CTNNA2: variants seen among roughly 807,000 people sequenced by gnomAD.
The protein encoded by CTNNA2 is catenin alpha-2.
A neutral mutation model predicts 101.0 loss-of-function variants in CTNNA2; 42 were observed. That is an observed-to-expected ratio of 0.42 (90% CI 0.32 to 0.54). The LOEUF is 0.54. Ranked by LOEUF, CTNNA2 falls within the 20% of genes least tolerant of loss-of-function variation. The pLI is 0.14. For missense variants in CTNNA2, 871 were observed against 1,223.1 expected (o/e 0.71, Z 4.29); for synonymous variants, 450 against 456.4 (o/e 0.99, Z 0.18).
chr2:80,628,280 G>C (rs1671899326), intron 18 of CTNNA2, among the ~76,000 whole-genome samples: 2 of 151,776 alleles, frequency 1.3e-5, no homozygotes, highest in African/African-American at 4.8e-5. Context: ...AATTTCATGT[G>C]GAACCAAAAA....
intron 9 of CTNNA2, among the ~76,000 whole-genome samples, chr2:80,456,176 C>A (rs1229071311): frequency 6.6e-6 from 1 of 152,300 alleles, no homozygotes; most frequent in East Asian, 1.9e-4. Flanking sequence ...AAGCCAGAAG[C>A]TGGACACCTG....
chr2:79,396,030 G>C (rs1678225969), intron 4 of CTNNA2, among the ~76,000 whole-genome samples: 1 of 152,088 alleles, frequency 6.6e-6, no homozygotes, highest in East Asian at 1.9e-4. Context: ...TGTGTTTCCT[G>C]TTTTCTAATA....
chr2:80,097,675 T>C (rs1243781359), intron 7 of CTNNA2, among the ~76,000 whole-genome samples: 1 of 152,166 alleles, frequency 6.6e-6, no homozygotes, highest in Non-Finnish European at 1.5e-5. Flanking sequence ...TTTCACAGAG[T>C]CCCATATTTC....
chr2:80,288,256 A>G (rs1232783497), intron 7 of CTNNA2: 1 of 152,230 alleles, frequency 6.6e-6, no homozygotes, highest in Non-Finnish European at 1.5e-5. Flanking sequence ...GCTTTGGGAA[A>G]TGACGTGGAT....
chr2:80,000,819 G>A (rs1484225057), intron 7 of CTNNA2, among the ~76,000 whole-genome samples: 2 of 152,214 alleles, frequency 1.3e-5, no homozygotes, highest in African/African-American at 4.8e-5. Flanking sequence ...ATTGTTGAAA[G>A]AGAACTTAGG....
intron 7 of CTNNA2, among the ~76,000 whole-genome samples, chr2:80,027,355 G>A (rs373766358): frequency 2.0e-4 from 31 of 152,234 alleles, no homozygotes; most frequent in African/African-American, 7.5e-4. Context: ...TAAGATGGGT[G>A]TGGAGAGGTG....
At chr2:79,464,157 G>A (rs551114990) in intron 4 of CTNNA2, among the ~76,000 whole-genome samples, 30 of 152,196 alleles carry the variant, frequency 2.0e-4, no homozygotes, top group Admixed American at 8.5e-4. Flanking sequence ...GACAGGCCCC[G>A]ATGTGTGATG....
Position 79,857,945 on chromosome 2 carries a change from A to G in CTNNA2, c.299-68A>G, listed in dbSNP as rs552819462. 14 of 1,491,796 alleles carry G rather than the reference A, an allele frequency of 9.4e-6. No individual in the cohort carries two copies. In the East Asian group the frequency reaches 3.2e-4, roughly 34 times the overall value. 92.4% of individuals were successfully genotyped at this position (1,491,796 alleles called of 1,614,324 possible). A position where few individuals can be genotyped will look rare whatever the true frequency, so the allele number is the denominator to read the frequency against. ...ATAAAAACAGTAATTGTCCATTCAC[A>G]GATCTTTAGGATGGCCAGTCTCTAA... On this transcript the variant is annotated intron_variant, in intron 3 of 18. Coordinates refer to ENST00000402739, the MANE Select transcript of CTNNA2 (RefSeq NM_001282597.3).
chr2:80,048,940 T>G (rs1481212506), intron 7 of CTNNA2, among the ~76,000 whole-genome samples: 1 of 151,996 alleles, frequency 6.6e-6, no homozygotes, highest in Admixed American at 6.6e-5. Context: ...GAATCTGGGG[T>G]GCAGACAGGT....
At chr2:80,247,720 A>T (rs1671436912) in intron 7 of CTNNA2, among the ~76,000 whole-genome samples, 1 of 152,032 alleles carries the variant, frequency 6.6e-6, no homozygotes, top group Non-Finnish European at 1.5e-5. Context: ...CAACTTTCAG[A>T]TCCCTTCTGA....
intron 7 of CTNNA2, among the ~76,000 whole-genome samples, chr2:80,227,977 T>C (rs1470815401): frequency 6.6e-6 from 1 of 151,994 alleles, no homozygotes; most frequent in Non-Finnish European, 1.5e-5. Context: ...ATTTTTTTTT[T>C]CCTAAAATAT....
At chr2:80,361,288 T>C (rs1376731853) in intron 7 of CTNNA2, among the ~76,000 whole-genome samples, 2 of 152,136 alleles carry the variant, frequency 1.3e-5, no homozygotes, top group African/African-American at 4.8e-5. Flanking sequence ...TTAATAGTAA[T>C]ACGTGGTTAA....
At chr2:79,335,195 T>C (rs553613249) in intron 3 of CTNNA2, among the ~76,000 whole-genome samples, 8 of 152,326 alleles carry the variant, frequency 5.3e-5, no homozygotes, top group Middle Eastern at 3.4e-3. Context: ...TGGCCTTTTT[T>C]CTTCAGGGGC....
Position 79,828,117 on chromosome 2 carries a change from A to G in CTNNA2, c.299-29896A>G, listed in dbSNP as rs201395957. ...TTACATATGAGGTTAAAGGAAAGCA[A>G]TGAGAAAGTAGTAACCTGCATCAGT... On this transcript the variant is annotated intron_variant, in intron 3 of 18. Coordinates refer to ENST00000402739, the MANE Select transcript of CTNNA2 (RefSeq NM_001282597.3). 7.2e-5 allele frequency among the ~76,000 whole-genome samples: 11 copies of G among 152,232 alleles called. No homozygotes were observed. In the East Asian group the frequency reaches 1.7e-3, roughly 24 times the overall value.
chr2:80,636,425 TAAACAC>T (rs1332351081), intron 18 of CTNNA2, among the ~76,000 whole-genome samples: 1 of 152,120 alleles, frequency 6.6e-6, no homozygotes, highest in Non-Finnish European at 1.5e-5. Context: ...TTGAAGGAGA[TAAACAC>T]AGAGCTTTGG....
intron 1 of CTNNA2, among the ~76,000 whole-genome samples, chr2:79,642,335 C>T (rs866934361): frequency 6.6e-6 from 1 of 152,182 alleles, no homozygotes; most frequent in African/African-American, 2.4e-5. Flanking sequence ...GCACCCCACC[C>T]TGCCTTCACT....
At chr2:80,520,627 G>C (rs1689465820) in intron 9 of CTNNA2, among the ~76,000 whole-genome samples, 1 of 152,154 alleles carries the variant, frequency 6.6e-6, no homozygotes, top group Non-Finnish European at 1.5e-5. Flanking sequence ...TTGCTCTGTA[G>C]TTTCTGCTTA....
intron 7 of CTNNA2, among the ~76,000 whole-genome samples, chr2:80,097,914 T>G (rs1302814667): frequency 1.3e-5 from 2 of 152,208 alleles, no homozygotes; most frequent in East Asian, 1.9e-4. Flanking sequence ...CACCTAATTT[T>G]TTTTCAAGGT....
chr2:80,427,394 C>T (rs1014096918), intron 9 of CTNNA2, among the ~76,000 whole-genome samples: 16 of 152,196 alleles, frequency 1.1e-4, no homozygotes, highest in African/African-American at 3.9e-4. Flanking sequence ...TGAATTAACT[C>T]TCTCAAGAGG....
Sources: gnomAD v4.1 joint callset for allele counts (sites outside exome capture counted in the v4.1 genomes callset) on GRCh38, gnomAD v4.1.1 for gene constraint, MANE v1.5 for transcripts, NCBI Gene and HGNC (gene_info 2026-07-23, HGNC 2026-07-21) for gene names.